Variants in ENDOV observed in about 807,000 individuals in gnomAD.
ENDOV encodes hEndoV.
ENDOV carries 37 observed loss-of-function variants against 39.4 expected under a neutral mutation model. The ratio of observed to expected loss-of-function variants is 0.94; its 90% CI spans 0.72 to 1.23. The LOEUF (loss-of-function observed/expected upper bound fraction) is 1.23. ENDOV is among the 50% of genes most tolerant of loss of function. The pLI, the probability that ENDOV is intolerant of heterozygous loss-of-function variation, is 0.00. For synonymous variants in ENDOV, 186 were observed against 163.4 expected (o/e 1.14, Z -1.05); for missense variants, 441 against 375.7 (o/e 1.17, Z -1.44).
intron 7 of ENDOV, chr17:80,427,872 T>C (rs1599431991): frequency 8.0e-7 from 1 of 1,248,002 alleles, no homozygotes; most frequent in Non-Finnish European, 1.0e-6. Context: ...TGGCCCCGCC[T>C]ACCGCTGCCC....
At chr17:80,424,081 C>T (rs2082394626) in intron 5 of ENDOV, 2 of 348,382 alleles carry the variant, frequency 5.7e-6, no homozygotes, top group East Asian at 8.4e-5. Flanking sequence ...CCACACTCTT[C>T]CTACCTCACC....
chr17:80,432,760 G>A (rs1441175971), intron 9 of ENDOV, among the ~76,000 whole-genome samples: 1 of 152,052 alleles, frequency 6.6e-6, no homozygotes, highest in Middle Eastern at 3.2e-3. Context: ...GTGGGAGATG[G>A]AGTCATGGGG....
Position 80,415,174 on chromosome 17 carries a change from AG to A in ENDOV, c.-17del. On this transcript the variant is annotated 5_prime_UTR_variant, in exon 1 of 10. Coordinates refer to ENST00000518137, the MANE Select transcript of ENDOV (RefSeq NM_173627.5). Reference sequence around the variant, plus strand: ...GTCGCTTCCGGAAGTGACGTGCGGAAGGGGTGCCCGGGACGAAGCCATGGCC... The same window carrying A: ...GTCGCTTCCGGAAGTGACGTGCGGAAGGGTGCCCGGGACGAAGCCATGGCC... 1.2e-6 allele frequency: 2 copies of A among 1,610,976 alleles called. No homozygotes were observed. Among genetic ancestry groups the A allele is most frequent in the South Asian group, 1.1e-5 (1 of 90,796 alleles).
chr17:80,433,023 G>A (rs2083422196), intron 9 of ENDOV: 1 of 465,908 alleles, frequency 2.1e-6, no homozygotes, highest in Admixed American at 2.3e-5. Context: ...AGCACCCCCT[G>A]CCCCAAACAA....
intron 9 of ENDOV, 150 bp downstream of exon 9, chr17:80,429,981 G>A: frequency 4.5e-6 from 7 of 1,544,254 alleles, no homozygotes; most frequent in Non-Finnish European, 6.1e-6. Flanking sequence ...TCTGGCCTCA[G>A]GACACTGACC....
intron 7 of ENDOV, among the ~76,000 whole-genome samples, chr17:80,427,240 A>T (rs1281929013): frequency 6.6e-6 from 1 of 151,766 alleles, no homozygotes. Flanking sequence ...CTCCATTCCA[A>T]CTCAGCCGTG....
In ENDOV at chr17:80,422,291, C is replaced by A. The variant is rs9907097; in HGVS notation, c.403+46C>A. 4.0e-5 allele frequency: 64 copies of A among 1,605,470 alleles called. 1 individual carries two copies. Among genetic ancestry groups the A allele is most frequent in the South Asian group, 2.3e-4 (21 of 90,388 alleles). On this transcript the variant is annotated intron_variant, in intron 4 of 9. Transcript: ENST00000518137. ...CCAGGGAGGGCACTGTGGGGAAGAG[C>A]GGGGGGAGAGGGCACCTCTGTCGTC...
rs925718477 is a variant in ENDOV at position 80,416,777 on chromosome 17, C to T, written c.228+956C>T. 7.6e-5 allele frequency among the ~76,000 whole-genome samples: 11 copies of T among 145,502 alleles called. No individual in the cohort carries two copies. In the South Asian group the frequency reaches 2.3e-3, roughly 30 times the overall value. ...GTCTCTCTTTCCTTCCTTTCCCCTT[C>T]CCCCACTCTGTGCCCAGGCTGAAGT... On this transcript the variant is annotated intron_variant, in intron 2 of 9. Transcript: ENST00000518137.
intron 9 of ENDOV, among the ~76,000 whole-genome samples, chr17:80,430,984 A>ACCCCCCAG (rs1219217745): frequency 6.6e-6 from 1 of 151,482 alleles, no homozygotes; most frequent in East Asian, 1.9e-4. Context: ...CCTTGCAAGC[A>ACCCCCCAG]CCCCCCAGCC....
At chr17:80,431,966 C>T (rs2083356960) in intron 9 of ENDOV, among the ~76,000 whole-genome samples, 1 of 152,172 alleles carries the variant, frequency 6.6e-6, no homozygotes, top group Non-Finnish European at 1.5e-5. Flanking sequence ...TTGTGTGGAC[C>T]CTGTCTGCCT....
chr17:80,415,854 C>A (rs2081057287), intron 2 of ENDOV, 33 bp downstream of exon 2: 2 of 1,565,638 alleles, frequency 1.3e-6, no homozygotes, highest in East Asian at 2.4e-5. Context: ...TCGAGGCGGG[C>A]CCCTCGGTGG....
intron 9 of ENDOV, among the ~76,000 whole-genome samples, chr17:80,434,413 C>G (rs4494603): frequency 0.069 from 10,526 of 152,258 alleles, 495 homozygotes; most frequent in Admixed American, 0.14. Flanking sequence ...GACTGATGTA[C>G]ACGCTTTTGT....
chr17:80,416,369 C>T lies in ENDOV; in HGVS notation c.228+548C>T, dbSNP rs549633859. 48 of 153,936 alleles carry T rather than the reference C, an allele frequency of 3.1e-4. No homozygotes were observed. In the South Asian group the frequency reaches 8.5e-3, roughly 27 times the overall value. 9.5% of individuals were successfully genotyped at this position (153,936 alleles called of 1,614,324 possible). ...TCAAGTCTGATTGTTATCTTGGGTT[C>T]TTCATCTCAGTGACCTGTCCACCAC... On this transcript the variant is annotated intron_variant, in intron 2 of 9. Coordinates refer to ENST00000518137, the MANE Select transcript of ENDOV (RefSeq NM_173627.5).
chr17:80,416,369 C>A, intron 2 of ENDOV: 1 of 153,936 alleles, frequency 6.5e-6, no homozygotes, highest in Non-Finnish European at 1.4e-5. Context: ...ATCTTGGGTT[C>A]TTCATCTCAG....
intron 7 of ENDOV, 104 bp downstream of exon 7, chr17:80,425,724 C>T: frequency 6.7e-7 from 1 of 1,497,404 alleles, no homozygotes; most frequent in Admixed American, 2.2e-5. Flanking sequence ...AGTGCAGTGA[C>T]ATGAGGACGG....
At chr17:80,428,786 G>T (rs2083046636) in intron 8 of ENDOV, 126 bp downstream of exon 8, 3 of 892,192 alleles carry the variant, frequency 3.4e-6, no homozygotes. Flanking sequence ...CAGGGCCAGG[G>T]AAGGCAGGGG....
At chr17:80,430,910 C>T (rs35876631) in intron 9 of ENDOV, among the ~76,000 whole-genome samples, 2,631 of 152,236 alleles carry the variant, frequency 0.017, 32 homozygotes, top group Middle Eastern at 0.051. Flanking sequence ...GGGCTAGAGG[C>T]GCCAGCTGAG....
At chr17:80,427,563 AGCCC>A in intron 7 of ENDOV, 1 of 1,066,782 alleles carries the variant, frequency 9.4e-7, no homozygotes, top group Non-Finnish European at 1.1e-6. Flanking sequence ...CCGTACCAGG[AGCCC>A]GCAGCTTCTT....
chr17:80,426,435 G>A (rs1599413842), intron 7 of ENDOV, among the ~76,000 whole-genome samples: 1 of 152,320 alleles, frequency 6.6e-6, no homozygotes. Context: ...GATCACTTGA[G>A]CCCAGGAGTT....
Sources: allele counts gnomAD v4.1 joint callset (sites outside exome capture counted in the v4.1 genomes callset), GRCh38; gene constraint gnomAD v4.1.1; transcripts MANE v1.5; gene names NCBI Gene and HGNC (gene_info 2026-07-23, HGNC 2026-07-21).